Variants in CDH13 observed in about 807,000 individuals in gnomAD.
The protein encoded by CDH13 is cadherin-13.
CDH13 carries 24 observed loss-of-function variants against 63.8 expected under a neutral mutation model. The observed-to-expected ratio is 0.38, with a 90% CI of 0.27 to 0.53. The LOEUF (loss-of-function observed/expected upper bound fraction) is 0.53, where lower values mean the gene tolerates loss of function less well. Ranked by LOEUF, CDH13 falls within the 20% of genes least tolerant of loss-of-function variation. The probability of loss-of-function intolerance (pLI) is 0.85; values close to 1 mark genes in which losing one functional copy is unlikely to be tolerated. For missense variants in CDH13, 1,049 were observed against 903.1 expected (o/e 1.16, Z -2.07); for synonymous variants, 503 against 355.3 (o/e 1.42, Z -4.67).
At chr16:83,758,023 C>A (rs1003055094) in intron 11 of CDH13, among the ~76,000 whole-genome samples, 9 of 151,180 alleles carry the variant, frequency 6.0e-5, no homozygotes, top group Admixed American at 4.6e-4. Context: ...CAGCTGCACT[C>A]TGTCCCAAAA....
intron 5 of CDH13, among the ~76,000 whole-genome samples, chr16:83,237,342 C>G (rs1268314110): frequency 6.6e-6 from 1 of 152,166 alleles, no homozygotes; most frequent in Non-Finnish European, 1.5e-5. Flanking sequence ...GACCACGAAA[C>G]TAAGCTTAAC....
chr16:83,048,172 G>C (rs1307238684), intron 3 of CDH13, among the ~76,000 whole-genome samples: 1 of 152,138 alleles, frequency 6.6e-6, no homozygotes, highest in Non-Finnish European at 1.5e-5. Flanking sequence ...CTCAGTGATG[G>C]AGACCAAGAT....
chr16:82,669,590 A>G (rs144472407), intron 1 of CDH13, among the ~76,000 whole-genome samples: 59 of 152,390 alleles, frequency 3.9e-4, no homozygotes, highest in African/African-American at 1.4e-3. Context: ...AAAGCATTAT[A>G]GATAACTTAT....
intron 5 of CDH13, among the ~76,000 whole-genome samples, chr16:83,258,641 CAG>C: frequency 6.6e-6 from 1 of 152,312 alleles, no homozygotes; most frequent in Admixed American, 6.5e-5. Flanking sequence ...GGACAATTAA[CAG>C]AGACGTGGTG....
chr16:83,622,279 T>C (rs1360044869), intron 8 of CDH13, among the ~76,000 whole-genome samples: 1 of 152,084 alleles, frequency 6.6e-6, no homozygotes, highest in East Asian at 1.9e-4. Flanking sequence ...ATGTGAGGTG[T>C]GAGTCAGAGC....
chr16:83,386,147 C>T (rs537248005), intron 6 of CDH13, among the ~76,000 whole-genome samples: 2 of 152,338 alleles, frequency 1.3e-5, no homozygotes, highest in African/African-American at 2.4e-5. Context: ...GAAACATGAG[C>T]TGCTGTTGTA....
intron 1 of CDH13, among the ~76,000 whole-genome samples, chr16:82,808,355 T>C (rs1022245188): frequency 1.3e-5 from 2 of 152,202 alleles, no homozygotes; most frequent in South Asian, 4.1e-4. Flanking sequence ...CTCTGTCTAC[T>C]TTCTAGGGAA....
chr16:82,681,213 A>T (rs367560799), intron 1 of CDH13, among the ~76,000 whole-genome samples: 1 of 152,252 alleles, frequency 6.6e-6, no homozygotes, highest in Non-Finnish European at 1.5e-5. Context: ...ACATGCAATA[A>T]CAGGGATGAA....
intron 5 of CDH13, among the ~76,000 whole-genome samples, chr16:83,242,186 G>T (rs28408235): frequency 0.13 from 19,957 of 152,156 alleles, 1,398 homozygotes; most frequent in Middle Eastern, 0.18. Context: ...CATTGAGCTA[G>T]ATATTTGTCT....
intron 1 of CDH13, among the ~76,000 whole-genome samples, chr16:82,643,836 G>C (rs1191798249): frequency 1.3e-5 from 2 of 151,844 alleles, no homozygotes; most frequent in Non-Finnish European, 2.9e-5. Context: ...TTGACCACCT[G>C]AGCTCAAGCA....
At chr16:82,887,649 C>T (rs571051492) in intron 2 of CDH13, among the ~76,000 whole-genome samples, 1 of 152,282 alleles carries the variant, frequency 6.6e-6, no homozygotes, top group African/African-American at 2.4e-5. Context: ...GGTGAAACCT[C>T]ATCTCTATTA....
At chr16:83,683,380 A>C (rs1915559740) in intron 10 of CDH13, among the ~76,000 whole-genome samples, 1 of 152,242 alleles carries the variant, frequency 6.6e-6, no homozygotes, top group Admixed American at 6.5e-5. Context: ...ATCTGTCATC[A>C]TCTCAGACAA....
intron 3 of CDH13, among the ~76,000 whole-genome samples, chr16:83,117,772 C>G (rs1358519333): frequency 6.6e-6 from 1 of 152,158 alleles, no homozygotes. Flanking sequence ...CTCCACCCTC[C>G]CTTCCCACCC....
chr16:83,132,262 T>C (rs1309616760), intron 4 of CDH13, among the ~76,000 whole-genome samples: 1 of 152,186 alleles, frequency 6.6e-6, no homozygotes, highest in Non-Finnish European at 1.5e-5. Flanking sequence ...GGTTACTTGC[T>C]GTTGCCTGAT....
At chr16:83,387,558 G>C (rs1467142632) in intron 6 of CDH13, among the ~76,000 whole-genome samples, 1 of 152,148 alleles carries the variant, frequency 6.6e-6, no homozygotes, top group Admixed American at 6.5e-5. Context: ...CCCTTAAATA[G>C]TGCTCAGAAA....
chr16:83,530,119 G>A (rs540320660), intron 7 of CDH13, among the ~76,000 whole-genome samples: 1 of 152,256 alleles, frequency 6.6e-6, no homozygotes, highest in Non-Finnish European at 1.5e-5. Flanking sequence ...TGTTCCTGCT[G>A]GCCCTTGAAG....
At chr16:82,973,008 T>C (rs1376057187) in intron 2 of CDH13, among the ~76,000 whole-genome samples, 3 of 152,180 alleles carry the variant, frequency 2.0e-5, no homozygotes, top group African/African-American at 4.8e-5. Flanking sequence ...CCCAGAACAA[T>C]GTCAGTCTCG....
intron 1 of CDH13, among the ~76,000 whole-genome samples, chr16:82,662,785 C>G (rs1357698338): frequency 3.9e-5 from 6 of 152,196 alleles, no homozygotes; most frequent in African/African-American, 1.2e-4. Flanking sequence ...CAGTATGTGT[C>G]CCTCTGGGAG....
chr16:83,256,157 C>T (rs1906232965), intron 5 of CDH13, among the ~76,000 whole-genome samples: 2 of 152,136 alleles, frequency 1.3e-5, no homozygotes, highest in African/African-American at 4.8e-5. Context: ...CATTAGCCTT[C>T]CAAGTAGTTG....
Sources: gnomAD v4.1 joint callset for allele counts (sites outside exome capture counted in the v4.1 genomes callset) on GRCh38, gnomAD v4.1.1 for gene constraint, MANE v1.5 for transcripts, NCBI Gene and HGNC (gene_info 2026-07-23, HGNC 2026-07-21) for gene names.